Variants in NDST3 observed in about 807,000 individuals in gnomAD.
NDST3 encodes the protein N-deacetylase and N-sulfotransferase 3.
Under a neutral mutation model 96.1 loss-of-function variants are expected in NDST3, and 58 were observed. That is an observed-to-expected ratio of 0.60 (90% CI 0.49 to 0.75). The LOEUF is 0.75. Among genes scored for constraint, NDST3 ranks in the 30% least tolerant of loss-of-function variants. The pLI, the probability that NDST3 is intolerant of heterozygous loss-of-function variation, is 0.00. For missense variants in NDST3, 788 were observed against 1,034.2 expected (o/e 0.76, Z 3.27); for synonymous variants, 333 against 359.7 (o/e 0.93, Z 0.84).
intron 3 of NDST3, among the ~76,000 whole-genome samples, chr4:118,112,295 G>A (rs1730702610): frequency 6.6e-6 from 1 of 152,106 alleles, no homozygotes; most frequent in Admixed American, 6.6e-5. Flanking sequence ...TTGAGCAGAG[G>A]CCAACTAAAA....
intron 4 of NDST3, among the ~76,000 whole-genome samples, chr4:118,120,147 T>C (rs1731439744): frequency 6.6e-6 from 1 of 152,190 alleles, no homozygotes; most frequent in Admixed American, 6.5e-5. Flanking sequence ...TTCTAGCTCT[T>C]AAGATTCTAT....
At position 118,034,550 on chromosome 4, in the gene NDST3, T is replaced by C. The variant is rs1724038618; in HGVS notation, c.-198T>C. The C allele has an allele frequency of 6.6e-6, 1 of 152,204 alleles. No individual in the cohort carries two copies. The highest frequency in any genetic ancestry group is 6.5e-5 in the Admixed American group (1 of 15,276). 9.4% of individuals were successfully genotyped at this position (152,204 alleles called of 1,614,324 possible). On this transcript the variant is annotated 5_prime_UTR_variant, in exon 1 of 14. Transcript: ENST00000296499. ...CTGTTTCCGTTTCTTTTCCATCTAT[T>C]GCAACTTTCTCAAGCATTTTCAGCT...
At chr4:118,163,452 G>T (rs1735332208) in intron 6 of NDST3, among the ~76,000 whole-genome samples, 2 of 151,956 alleles carry the variant, frequency 1.3e-5, no homozygotes, top group Admixed American at 1.3e-4. Context: ...TCCTTTGTAG[G>T]GACATGGATG....
intron 6 of NDST3, among the ~76,000 whole-genome samples, chr4:118,184,144 T>C (rs1468816514): frequency 6.6e-6 from 1 of 152,218 alleles, no homozygotes; most frequent in Non-Finnish European, 1.5e-5. Context: ...GTTTAAAGAA[T>C]CATTTCATTG....
intron 2 of NDST3, among the ~76,000 whole-genome samples, chr4:118,074,941 G>T (rs1449046963): frequency 6.6e-6 from 1 of 152,026 alleles, no homozygotes; most frequent in East Asian, 1.9e-4. Context: ...TAGGGTACAT[G>T]TACACCACAT....
intron 10 of NDST3, among the ~76,000 whole-genome samples, chr4:118,239,287 C>G (rs1190427351): frequency 1.3e-5 from 2 of 152,114 alleles, no homozygotes; most frequent in Non-Finnish European, 2.9e-5. Context: ...AGAGGAAGAA[C>G]AGATTGTTGG....
intron 2 of NDST3, among the ~76,000 whole-genome samples, chr4:118,084,587 G>GC (rs1480557223): frequency 2.6e-5 from 4 of 152,146 alleles, no homozygotes; most frequent in African/African-American, 9.7e-5. Context: ...TCTGTCATAT[G>GC]TTGGTTTTAC....
chr4:118,076,370 G>A (rs1269050450), intron 2 of NDST3, among the ~76,000 whole-genome samples: 1 of 152,104 alleles, frequency 6.6e-6, no homozygotes, highest in Non-Finnish European at 1.5e-5. Flanking sequence ...AAACTTTTGT[G>A]GATGATATCC....
intron 9 of NDST3, among the ~76,000 whole-genome samples, chr4:118,236,214 A>G (rs1740635904): frequency 6.6e-6 from 1 of 152,334 alleles, no homozygotes; most frequent in Non-Finnish European, 1.5e-5. Flanking sequence ...CTTTTCCTCT[A>G]AAGGATGTTC....
chr4:118,182,225 G>A (rs901018288), intron 6 of NDST3, among the ~76,000 whole-genome samples: 2 of 152,170 alleles, frequency 1.3e-5, no homozygotes, highest in Non-Finnish European at 2.9e-5. Context: ...AGGAAGCCAA[G>A]CCAAGTTCTC....
chr4:118,065,151 G>A (rs192729702), intron 2 of NDST3, among the ~76,000 whole-genome samples: 183 of 152,170 alleles, frequency 1.2e-3, no homozygotes, highest in African/African-American at 3.8e-3. Context: ...CTTGGCGGGG[G>A]AGGTAAAGGA....
chr4:118,187,333 AG>A, intron 6 of NDST3, among the ~76,000 whole-genome samples: 1 of 152,346 alleles, frequency 6.6e-6, no homozygotes, highest in Non-Finnish European at 1.5e-5. Context: ...GCCTATCATG[AG>A]GGATAAATTT....
chr4:118,114,290 C>G (rs937776748), intron 3 of NDST3, among the ~76,000 whole-genome samples: 27 of 152,276 alleles, frequency 1.8e-4, no homozygotes, highest in African/African-American at 6.3e-4. Context: ...TTCCACATTT[C>G]CTTCTTTTCT....
intron 1 of NDST3, among the ~76,000 whole-genome samples, chr4:118,042,011 T>C (rs1466838344): frequency 6.6e-6 from 1 of 152,192 alleles, no homozygotes; most frequent in Non-Finnish European, 1.5e-5. Context: ...CCCTGAGGAA[T>C]TGGGTTTTTG....
intron 9 of NDST3, 106 bp downstream of exon 9, chr4:118,233,241 T>A: frequency 9.8e-7 from 1 of 1,018,388 alleles, no homozygotes. Context: ...AAATAAAATT[T>A]AACCTCTGTG....
chr4:118,196,762 T>G (rs1052305659), intron 6 of NDST3, among the ~76,000 whole-genome samples: 1 of 152,002 alleles, frequency 6.6e-6, no homozygotes, highest in African/African-American at 2.4e-5. Flanking sequence ...TAAAAGTTTC[T>G]CAATTTTCTT....
rs540987923 is a variant in NDST3 at position 118,243,773 on chromosome 4, T to C, written c.2399+1624T>C. Among the ~76,000 whole-genome samples the C allele has an allele frequency of 6.6e-4, 101 of 152,266 alleles. 3 individuals are homozygous for C. The South Asian group carries it at 0.02, about 30-fold the overall frequency. ...CAGTATTCTATAAAGACAGAGTTGCTTTTTCTTATGGGATGGTCCTTGACC... is the reference window on the plus strand; with the variant it reads ...CAGTATTCTATAAAGACAGAGTTGCCTTTTCTTATGGGATGGTCCTTGACC... On this transcript the variant is annotated intron_variant, in intron 12 of 13. Coordinates refer to ENST00000296499, the MANE Select transcript of NDST3 (RefSeq NM_004784.3).
At chr4:118,070,647 C>CT (rs34525909) in intron 2 of NDST3, among the ~76,000 whole-genome samples, 5,947 of 128,668 alleles carry the variant, frequency 0.046, 321 homozygotes, top group African/African-American at 0.14. Context: ...CTCAACCATT[C>CT]TTTTTTTTTT....
chr4:118,044,884 C>A (rs950482446), intron 1 of NDST3, among the ~76,000 whole-genome samples: 2 of 152,066 alleles, frequency 1.3e-5, no homozygotes, highest in Admixed American at 6.5e-5. Flanking sequence ...GTAACCTGCT[C>A]CCAAGATAAT....
Sources: allele counts gnomAD v4.1 joint callset (sites outside exome capture counted in the v4.1 genomes callset), GRCh38; gene constraint gnomAD v4.1.1; transcripts MANE v1.5; gene names NCBI Gene and HGNC (gene_info 2026-07-23, HGNC 2026-07-21).